MYO1B: variants seen among roughly 807,000 people sequenced by gnomAD.
MYO1B encodes the protein unconventional myosin-Ib.
A neutral mutation model predicts 159.7 loss-of-function variants in MYO1B; 72 were observed. That is an observed-to-expected ratio of 0.45 (90% CI 0.37 to 0.55). MYO1B has a LOEUF of 0.55. Among genes scored for constraint, MYO1B ranks in the 20% least tolerant of loss-of-function variants. The probability of loss-of-function intolerance (pLI) is 0.00; values close to 1 mark genes in which losing one functional copy is unlikely to be tolerated. For synonymous variants in MYO1B, 468 were observed against 473.8 expected, an observed-to-expected ratio of 0.99 and a Z score of 0.16; for missense variants, 1,062 against 1,364.8, an observed-to-expected ratio of 0.78 and a Z score of 3.50.
chr2:191,363,916 T>TG, intron 10 of MYO1B, 41 bp downstream of exon 10: 4 of 1,609,160 alleles, frequency 2.5e-6, no homozygotes, highest in Non-Finnish European at 2.6e-6. Flanking sequence ...TTAGGAAACT[T>TG]GCTTTGAACT....
chr2:191,388,640 G>T (rs1280041223), intron 17 of MYO1B, among the ~76,000 whole-genome samples: 1 of 151,514 alleles, frequency 6.6e-6, no homozygotes. Flanking sequence ...GAGGATCCTA[G>T]TTTAAAAAAA....
chr2:191,414,659 A>C lies in MYO1B; in HGVS notation c.3149A>C (p.His1050Pro). 6.2e-7 allele frequency: 1 copy of C among 1,609,824 alleles called. No individual in the cohort carries two copies. Among genetic ancestry groups the C allele is most frequent in the Non-Finnish European group, 8.5e-7 (1 of 1,178,738 alleles). ...CAAAATGATGGCTTCTTCGCCGTCC[A>C]CCTCAAAGAGGTAAAGGTTCAACAG... ...SSQNDGFFAV[H>P]LKEGSEAASK... is the part of the protein sequence containing the mutation. Residue 1050 changes from histidine to proline, a missense_variant, in exon 29 of 31, where the codon CAC becomes CCC. Around this residue, in one of 5 missense-constraint regions of MYO1B, gnomAD observed 609 missense variants for 744.4 expected, o/e 0.82. Coordinates refer to ENST00000392318, the MANE Select transcript of MYO1B (RefSeq NM_001130158.3).
chr2:191,424,120 T>G lies in MYO1B; in HGVS notation c.*160T>G. The G allele has an allele frequency of 1.2e-6, 1 of 837,020 alleles. No homozygotes were observed. The highest frequency in any genetic ancestry group is 1.9e-5 in the South Asian group (1 of 53,742). The allele number at this position is 837,020 out of a possible 1,614,324, so 51.8% of individuals were successfully genotyped here. A position where few individuals can be genotyped will look rare whatever the true frequency, so the allele number is the denominator to read the frequency against. ...GACTAATCAATTTTTATTATTGGAA[T>G]AGTTTTAACCTTTCAAATACATGTT... is the stretch of plus-strand genomic sequence containing the variant. On this transcript the variant is annotated 3_prime_UTR_variant, in exon 31 of 31. Coordinates refer to ENST00000392318, the MANE Select transcript of MYO1B (RefSeq NM_001130158.3).
intron 14 of MYO1B, 52 bp from the exon 15 acceptor site, chr2:191,383,228 G>T: frequency 9.2e-7 from 1 of 1,081,712 alleles, no homozygotes; most frequent in East Asian, 2.8e-5. Flanking sequence ...ATGGATGGTA[G>T]TGTCGTGGCT....
At chr2:191,291,828 A>G (rs1455545983) in intron 2 of MYO1B, among the ~76,000 whole-genome samples, 2 of 152,240 alleles carry the variant, frequency 1.3e-5, no homozygotes, top group Non-Finnish European at 2.9e-5. Flanking sequence ...ATCCTTGAAA[A>G]GGAGATTTAA....
chr2:191,378,457 TCA>T (rs1020969789), intron 13 of MYO1B, among the ~76,000 whole-genome samples: 12 of 152,028 alleles, frequency 7.9e-5, no homozygotes, highest in African/African-American at 2.7e-4. Context: ...GGGGCAGATC[TCA>T]CAAAGAACCT....
chr2:191,277,224 C>T (rs1687808844), intron 2 of MYO1B, among the ~76,000 whole-genome samples, 194 bp downstream of exon 2: 1 of 152,116 alleles, frequency 6.6e-6, no homozygotes, highest in Non-Finnish European at 1.5e-5. Flanking sequence ...AGTCAGTCTG[C>T]TTTCTGTGAT....
At chr2:191,328,456 G>A (rs996312432) in intron 3 of MYO1B, among the ~76,000 whole-genome samples, 6 of 152,076 alleles carry the variant, frequency 3.9e-5, no homozygotes, top group South Asian at 2.1e-4. Context: ...AGTCGCAGGC[G>A]TTAGCTCTGG....
rs57237733 is a variant in MYO1B at position 191,260,254 on chromosome 2, C to CTTTTTTTTTTTTTT, written c.-10+14641_-10+14642insTTTTTTTTTTTTTT. 4.8e-4 allele frequency among the ~76,000 whole-genome samples: 29 copies of CTTTTTTTTTTTTTT among 60,996 alleles called. 8 individuals carry two copies. The highest frequency in any genetic ancestry group is 6.7e-4 in the Non-Finnish European group (17 of 25,280). 40.0% of individuals were successfully genotyped at this position (60,996 alleles called of 152,430 possible). ...TAATATTACTTTTTTCCCAGATAGGCTTTTTTTTTTTTTGAATTAAAGCTA... is the reference window on the plus strand; with the variant it reads ...TAATATTACTTTTTTCCCAGATAGGCTTTTTTTTTTTTTTTTTTTTTTTTTTTGAATTAAAGCTA... On this transcript the variant is annotated intron_variant, in intron 1 of 30. Coordinates refer to ENST00000392318, the MANE Select transcript of MYO1B (RefSeq NM_001130158.3).
intron 16 of MYO1B, among the ~76,000 whole-genome samples, 176 bp from the exon 17 acceptor site, chr2:191,387,048 C>T (rs1695438427): frequency 6.6e-6 from 1 of 152,130 alleles, no homozygotes; most frequent in South Asian, 2.1e-4. Flanking sequence ...GTGATTTAGA[C>T]AGATGGAATT....
At chr2:191,412,012 G>C (rs1697278627) in intron 27 of MYO1B, among the ~76,000 whole-genome samples, 1 of 152,174 alleles carries the variant, frequency 6.6e-6, no homozygotes, top group Non-Finnish European at 1.5e-5. Context: ...TATATTCTCT[G>C]TGACTTTATA....
At chr2:191,380,240 A>G (rs995292055) in intron 13 of MYO1B, among the ~76,000 whole-genome samples, 2 of 152,254 alleles carry the variant, frequency 1.3e-5, no homozygotes, top group Non-Finnish European at 2.9e-5. Flanking sequence ...AAGTAAGACC[A>G]AAGTTGATTT....
At chr2:191,351,218 G>T (rs1692903740) in intron 7 of MYO1B, among the ~76,000 whole-genome samples, 1 of 151,088 alleles carries the variant, frequency 6.6e-6, no homozygotes. Flanking sequence ...GTTGACTGAA[G>T]TATCCAAAGT....
At chr2:191,289,628 C>G (rs1688582361) in intron 2 of MYO1B, among the ~76,000 whole-genome samples, 1 of 152,000 alleles carries the variant, frequency 6.6e-6, no homozygotes, top group Non-Finnish European at 1.5e-5. Flanking sequence ...TAGAGCCCAG[C>G]AAACAGAGGC....
chr2:191,276,591 C>T (rs1574318272), intron 1 of MYO1B, among the ~76,000 whole-genome samples: 2 of 152,180 alleles, frequency 1.3e-5, no homozygotes, highest in East Asian at 1.9e-4. Flanking sequence ...TGGAGTTTTG[C>T]GACTCTCTGC....
At chr2:191,409,322 A>C in intron 26 of MYO1B, 144 bp downstream of exon 26, 1 of 952,414 alleles carries the variant, frequency 1.0e-6, no homozygotes, top group Non-Finnish European at 1.5e-6. Flanking sequence ...TCCCCCATGC[A>C]CCATATTGAG....
intron 4 of MYO1B, among the ~76,000 whole-genome samples, chr2:191,339,910 A>G (rs539195881): frequency 2.6e-5 from 4 of 152,256 alleles, no homozygotes; most frequent in Non-Finnish European, 5.9e-5. Context: ...TATTTTCCCA[A>G]TGGTGGGAGA....
At chr2:191,372,599 C>A (rs1694429376) in intron 13 of MYO1B, among the ~76,000 whole-genome samples, 1 of 152,172 alleles carries the variant, frequency 6.6e-6, no homozygotes, top group African/African-American at 2.4e-5. Context: ...GTAGGAAAGT[C>A]TAATCAGGAA....
At chr2:191,328,890 T>G (rs777427042) in intron 3 of MYO1B, among the ~76,000 whole-genome samples, 2 of 152,188 alleles carry the variant, frequency 1.3e-5, no homozygotes, top group African/African-American at 2.4e-5. Context: ...CCTTTGAGGT[T>G]TGTCTTGTTC....
Sources: gnomAD v4.1 joint callset for allele counts (sites outside exome capture counted in the v4.1 genomes callset) on GRCh38, gnomAD v4.1.1 for gene constraint, gnomAD v4.1.1 regional missense constraint, MANE v1.5 for transcripts, NCBI Gene and HGNC (gene_info 2026-07-23, HGNC 2026-07-21) for gene names.